The following KIAA1328 variants were observed in gnomAD, a reference collection of about 807,000 sequenced individuals.
KIAA1328 encodes the protein KIAA1328, also known as protein hinderin.
Under a neutral mutation model 68.1 loss-of-function variants are expected in KIAA1328, and 52 were observed. The observed-to-expected ratio is 0.76, with a 90% CI of 0.61 to 0.96. The LOEUF (loss-of-function observed/expected upper bound fraction) is 0.96. Ranked by LOEUF, KIAA1328 falls within the 40% of genes least tolerant of loss-of-function variation. The pLI, the probability that KIAA1328 is intolerant of heterozygous loss-of-function variation, is 0.00. For synonymous variants in KIAA1328, 232 were observed against 239.4 expected, an observed-to-expected ratio of 0.97 and a Z score of 0.28; for missense variants, 641 against 677.6, an observed-to-expected ratio of 0.95 and a Z score of 0.60.
chr18:37,162,493 C>G (rs1263606969), intron 8 of KIAA1328, among the ~76,000 whole-genome samples: 1 of 152,106 alleles, frequency 6.6e-6, no homozygotes, highest in Non-Finnish European at 1.5e-5. Context: ...CATTGCACAG[C>G]TAGTGTATGC....
chr18:37,155,542 A>G (rs1375038387), intron 7 of KIAA1328, among the ~76,000 whole-genome samples: 2 of 152,118 alleles, frequency 1.3e-5, no homozygotes, highest in South Asian at 2.1e-4. Flanking sequence ...CCGCTTCTCT[A>G]TTGCAAACCT....
intron 7 of KIAA1328, among the ~76,000 whole-genome samples, chr18:37,105,916 C>CAAAAAAAAAAAAA (rs58940699): frequency 0.01 from 204 of 19,498 alleles, 21 homozygotes; most frequent in Non-Finnish European, 0.016. Context: ...GACTCTGTGT[C>CAAAAAAAAAAAAA]AAAAAAAAAA....
At chr18:37,231,415 C>A (rs1039280483), downstream of KIAA1328, 7 of 152,194 alleles carry the variant, frequency 4.6e-5, no homozygotes, top group African/African-American at 1.4e-4. Context: ...GAAACTAGCC[C>A]AGATGAAAGC....
At chr18:37,085,073 G>A (rs964347877) in intron 7 of KIAA1328, among the ~76,000 whole-genome samples, 3 of 152,136 alleles carry the variant, frequency 2.0e-5, no homozygotes, top group East Asian at 1.9e-4. Flanking sequence ...AGACTGGGGC[G>A]GGGGTAAACT....
At chr18:37,226,008 CAA>C (rs1380555216), downstream of KIAA1328, among the ~76,000 whole-genome samples, 2 of 152,174 alleles carry the variant, frequency 1.3e-5, no homozygotes, top group Non-Finnish European at 2.9e-5. Context: ...GGACTTCAGT[CAA>C]GTGTAAGATC....
At chr18:37,009,947 T>C (rs1225300406) in intron 6 of KIAA1328, among the ~76,000 whole-genome samples, 1 of 152,142 alleles carries the variant, frequency 6.6e-6, no homozygotes, top group Admixed American at 6.6e-5. Flanking sequence ...TCAGAAAATG[T>C]TAGTCATAAA....
At chr18:37,205,600 A>G (rs2060202405) in intron 9 of KIAA1328, among the ~76,000 whole-genome samples, 1 of 152,234 alleles carries the variant, frequency 6.6e-6, no homozygotes, top group Admixed American at 6.5e-5. Context: ...GGTACTCCAA[A>G]AGGTCAAAAG....
intron 4 of KIAA1328, among the ~76,000 whole-genome samples, chr18:36,865,572 C>T (rs748827809): frequency 3.3e-5 from 5 of 152,156 alleles, no homozygotes; most frequent in African/African-American, 7.2e-5. Flanking sequence ...ATTCCCCCCT[C>T]GTTTTTTTGT....
chr18:36,927,975 G>A (rs997200807), intron 5 of KIAA1328, among the ~76,000 whole-genome samples: 23 of 152,290 alleles, frequency 1.5e-4, no homozygotes, highest in African/African-American at 5.3e-4. Context: ...ATTCAACACA[G>A]AAATACATAT....
intron 7 of KIAA1328, among the ~76,000 whole-genome samples, chr18:37,140,283 T>C (rs1372944740): frequency 6.6e-6 from 1 of 152,142 alleles, no homozygotes; most frequent in Non-Finnish European, 1.5e-5. Context: ...TGACAGCTAT[T>C]CTTCTTTGTA....
At chr18:36,895,326 T>C (rs1049838060) in intron 5 of KIAA1328, among the ~76,000 whole-genome samples, 2 of 152,142 alleles carry the variant, frequency 1.3e-5, no homozygotes, top group Non-Finnish European at 2.9e-5. Context: ...AAGAATAAGC[T>C]GCTTTGCAAA....
intron 1 of KIAA1328, chr18:36,832,711 C>T (rs2046534677): frequency 6.6e-6 from 1 of 151,686 alleles, no homozygotes; most frequent in Non-Finnish European, 1.5e-5. Flanking sequence ...ATAGATGGAG[C>T]CAGACATTCT....
intron 3 of KIAA1328, among the ~76,000 whole-genome samples, chr18:36,842,016 G>A (rs1013578393): frequency 6.6e-6 from 1 of 151,742 alleles, no homozygotes; most frequent in East Asian, 1.9e-4. Flanking sequence ...CCGTCTCGGG[G>A]TTTAGTCAGT....
At chr18:36,957,694 CTCTT>C (rs1421383843) in intron 5 of KIAA1328, among the ~76,000 whole-genome samples, 1 of 152,090 alleles carries the variant, frequency 6.6e-6, no homozygotes, top group Non-Finnish European at 1.5e-5. Context: ...AAATTATACT[CTCTT>C]TATGTTTAAT....
chr18:36,877,292 A>G (rs2048160898), intron 4 of KIAA1328, among the ~76,000 whole-genome samples: 1 of 151,938 alleles, frequency 6.6e-6, no homozygotes. Flanking sequence ...TCCTATTATT[A>G]TTGTGTGGGA....
intron 5 of KIAA1328, among the ~76,000 whole-genome samples, chr18:36,930,586 A>G (rs1426804527): frequency 6.6e-6 from 1 of 152,132 alleles, no homozygotes; most frequent in African/African-American, 2.4e-5. Context: ...AATGGTAGCA[A>G]TACATGAATG....
At chr18:36,981,968 C>T (rs1361969233) in intron 6 of KIAA1328, among the ~76,000 whole-genome samples, 2 of 150,768 alleles carry the variant, frequency 1.3e-5, no homozygotes, top group African/African-American at 4.9e-5. Context: ...GGAGATTAGA[C>T]ATTGCAGAAG....
At chr18:37,194,873 C>G (rs988706752) in intron 9 of KIAA1328, among the ~76,000 whole-genome samples, 1 of 152,074 alleles carries the variant, frequency 6.6e-6, no homozygotes, top group African/African-American at 2.4e-5. Context: ...GTTGGTCAGG[C>G]TGGTCTCAAA....
At chr18:36,926,831 A>G (rs1030196479) in intron 5 of KIAA1328, among the ~76,000 whole-genome samples, 2 of 152,172 alleles carry the variant, frequency 1.3e-5, no homozygotes, top group Non-Finnish European at 2.9e-5. Context: ...AAAGACGTGT[A>G]ATTGGCGCAT....
Sources: allele counts gnomAD v4.1 joint callset (sites outside exome capture counted in the v4.1 genomes callset), GRCh38; gene constraint gnomAD v4.1.1; transcripts MANE v1.5; gene names NCBI Gene and HGNC (gene_info 2026-07-23, HGNC 2026-07-21).